The following KIAA0319 variants were observed in gnomAD, a reference collection of about 807,000 sequenced individuals.
The protein encoded by KIAA0319 is dyslexia-associated protein KIAA0319.
A neutral mutation model predicts 108.4 loss-of-function variants in KIAA0319; 83 were observed. The ratio of observed to expected loss-of-function variants is 0.77; its 90% CI spans 0.64 to 0.92. The LOEUF (loss-of-function observed/expected upper bound fraction) is 0.92. Ranked by LOEUF, KIAA0319 falls within the 40% of genes least tolerant of loss-of-function variation. The probability of loss-of-function intolerance (pLI) is 0.00; values close to 1 mark genes in which losing one functional copy is unlikely to be tolerated. For missense variants in KIAA0319, 1,195 were observed against 1,322.4 expected (o/e 0.90, Z 1.49); for synonymous variants, 484 against 510.4 (o/e 0.95, Z 0.70).
intron 3 of KIAA0319, among the ~76,000 whole-genome samples, chr6:24,589,498 T>A (rs918237305): frequency 6.6e-6 from 1 of 152,068 alleles, no homozygotes; most frequent in Non-Finnish European, 1.5e-5. Flanking sequence ...CAAATGGAGG[T>A]AACTGGATCA....
Position 24,563,421 on chromosome 6 carries a change from C to G in KIAA0319, c.2529G>C (p.Val843=). 1 of 1,613,912 alleles carries G rather than the reference C, an allele frequency of 6.2e-7. No individual in the cohort carries two copies. Among genetic ancestry groups the G allele is most frequent in the Non-Finnish European group, 8.5e-7 (1 of 1,179,936 alleles). ...TGTCCGAGTCCAGCACGTTCAGCAG[C>G]ACAGCCAGCTGCCTCACAAGGGTGT... ...RKDTLVRQLA[V]LLNVLDSDIK... Residue 843 remains valine (V), a synonymous_variant, in exon 16 of 21, where the codon GTG becomes GTC. Transcript: ENST00000378214.
chr6:24,602,926 A>C (rs1582175336), intron 1 of KIAA0319, among the ~76,000 whole-genome samples: 1 of 152,370 alleles, frequency 6.6e-6, no homozygotes, highest in Middle Eastern at 3.4e-3. Flanking sequence ...TTGGGCAGGA[A>C]GAAAATTTAG....
chr6:24,553,294 TACACACACACACACAC>T (rs71544276), intron 19 of KIAA0319, among the ~76,000 whole-genome samples: 11 of 91,064 alleles, frequency 1.2e-4, no homozygotes, highest in African/African-American at 2.9e-4. Flanking sequence ...TATATATATA[TACACACACACACACAC>T]ACACACACAC....
At position 24,545,793 on chromosome 6, in the gene KIAA0319, G is replaced by A. The variant is rs1760552242; in HGVS notation, c.*1372C>T. 1.3e-5 allele frequency: 2 copies of A among 152,144 alleles called. No individual in the cohort carries two copies. Among genetic ancestry groups the A allele is most frequent in the African/African-American group, 4.8e-5 (2 of 41,426 alleles). 9.4% of individuals were successfully genotyped at this position (152,144 alleles called of 1,614,324 possible). ...CATTTTCTCTGGCACTCCTGCCCTG[G>A]TGTTTAAATACCTTGCTTCTTCATC... On this transcript the variant is annotated 3_prime_UTR_variant, in exon 21 of 21. Coordinates refer to ENST00000378214, the MANE Select transcript of KIAA0319 (RefSeq NM_014809.4).
At chr6:24,616,604 G>A (rs569067198) in intron 1 of KIAA0319, among the ~76,000 whole-genome samples, 14 of 152,254 alleles carry the variant, frequency 9.2e-5, no homozygotes, top group African/African-American at 2.9e-4. Flanking sequence ...TGCCCACCTC[G>A]GTCTCCCAAA....
chr6:24,603,323 G>A (rs1770919133), intron 1 of KIAA0319, among the ~76,000 whole-genome samples: 1 of 152,186 alleles, frequency 6.6e-6, no homozygotes, highest in Admixed American at 6.5e-5. Flanking sequence ...CCAGTACAAG[G>A]CAGTCTGGAC....
chr6:24,558,245 T>G (rs1029217335), intron 17 of KIAA0319, among the ~76,000 whole-genome samples: 1 of 151,552 alleles, frequency 6.6e-6, no homozygotes, highest in Non-Finnish European at 1.5e-5. Flanking sequence ...TAAGCCATGA[T>G]GGCTAAGGCC....
intron 1 of KIAA0319, among the ~76,000 whole-genome samples, chr6:24,613,359 AT>A (rs918100503): frequency 9.5e-4 from 142 of 150,250 alleles, no homozygotes; most frequent in Non-Finnish European, 1.4e-3. Context: ...CAGGTGAATA[AT>A]TTTTTTTTTA....
At chr6:24,582,221 T>G (rs1172415283) in intron 6 of KIAA0319, 28 bp downstream of exon 6, 2 of 1,266,026 alleles carry the variant, frequency 1.6e-6, no homozygotes, top group Non-Finnish European at 2.3e-6. Context: ...GCTGTGCTGT[T>G]AGACACAACC....
At chr6:24,639,666 A>G (rs1776666490) in intron 1 of KIAA0319, among the ~76,000 whole-genome samples, 1 of 152,126 alleles carries the variant, frequency 6.6e-6, no homozygotes, top group Non-Finnish European at 1.5e-5. Flanking sequence ...TGGCCAACAT[A>G]GTGAAACCCC....
chr6:24,622,879 A>G (rs1360821752), intron 1 of KIAA0319, among the ~76,000 whole-genome samples: 1 of 152,174 alleles, frequency 6.6e-6, no homozygotes, highest in Non-Finnish European at 1.5e-5. Context: ...TCTCTACTAA[A>G]AATACAAAAA....
chr6:24,556,819 C>T, intron 17 of KIAA0319, 90 bp from the exon 18 acceptor site: 1 of 1,392,512 alleles, frequency 7.2e-7, no homozygotes, highest in African/African-American at 1.4e-5. Flanking sequence ...GCATAGGTCC[C>T]AAATAAAAGC....
At chr6:24,608,834 G>C (rs1186743667) in intron 1 of KIAA0319, among the ~76,000 whole-genome samples, 1 of 148,740 alleles carries the variant, frequency 6.7e-6, no homozygotes, top group Non-Finnish European at 1.5e-5. Context: ...GGGAGGCTGA[G>C]GCAGGAGAAT....
chr6:24,602,916 T>C (rs1003376341), intron 1 of KIAA0319, among the ~76,000 whole-genome samples: 2 of 152,262 alleles, frequency 1.3e-5, no homozygotes, highest in East Asian at 1.9e-4. Flanking sequence ...TGACAAGTTA[T>C]TGGGCAGGAA....
At chr6:24,551,387 T>A in intron 20 of KIAA0319, 47 bp downstream of exon 20, 5 of 1,355,716 alleles carry the variant, frequency 3.7e-6, no homozygotes, top group Non-Finnish European at 5.3e-6. Context: ...CCTACCTAGG[T>A]TAAATCATAT....
chr6:24,609,014 C>T (rs1440750520), intron 1 of KIAA0319, among the ~76,000 whole-genome samples: 7 of 147,296 alleles, frequency 4.8e-5, no homozygotes, highest in Non-Finnish European at 1.0e-4. Context: ...GTGAGCCAAC[C>T]GCTCACAGTT....
chr6:24,564,174 T>C (rs1390659768), intron 15 of KIAA0319, 28 bp downstream of exon 15: 3 of 1,613,732 alleles, frequency 1.9e-6, no homozygotes. Context: ...AGAGCCTGCA[T>C]GGCCAGCTCC....
At chr6:24,624,704 A>G (rs1774464523) in intron 1 of KIAA0319, among the ~76,000 whole-genome samples, 1 of 152,224 alleles carries the variant, frequency 6.6e-6, no homozygotes, top group Non-Finnish European at 1.5e-5. Flanking sequence ...GGTGAAAATT[A>G]CATTTCTCAA....
chr6:24,590,738 C>T (rs1338259958), intron 3 of KIAA0319, among the ~76,000 whole-genome samples: 1 of 152,206 alleles, frequency 6.6e-6, no homozygotes, highest in Non-Finnish European at 1.5e-5. Flanking sequence ...AACCTCTCAT[C>T]CTGCTCTTCT....
Sources: gnomAD v4.1 joint callset for allele counts (sites outside exome capture counted in the v4.1 genomes callset) on GRCh38, gnomAD v4.1.1 for gene constraint, MANE v1.5 for transcripts, NCBI Gene and HGNC (gene_info 2026-07-23, HGNC 2026-07-21) for gene names.